RAP1GAP2: variants seen among roughly 807,000 people sequenced by gnomAD.
RAP1GAP2 encodes the protein rap1 GTPase-activating protein 2.
A neutral mutation model predicts 95.0 loss-of-function variants in RAP1GAP2; 27 were observed. The observed-to-expected ratio is 0.28, with a 90% CI of 0.21 to 0.39. RAP1GAP2 has a LOEUF of 0.39. Among genes scored for constraint, RAP1GAP2 ranks in the 10% least tolerant of loss-of-function variants. The probability of loss-of-function intolerance (pLI) is 1.00; values close to 1 mark genes in which losing one functional copy is unlikely to be tolerated. For synonymous variants in RAP1GAP2, 373 were observed against 380.9 expected (o/e 0.98, Z 0.24); for missense variants, 771 against 970.0 (o/e 0.79, Z 2.72).
chr17:2,981,263 G>T lies in RAP1GAP2; in HGVS notation c.729+15G>T. The T allele has an allele frequency of 6.2e-7, 1 of 1,601,966 alleles. No individual in the cohort carries two copies. Among genetic ancestry groups the T allele is most frequent in the Non-Finnish European group, 8.5e-7 (1 of 1,172,238 alleles). On this transcript the variant is annotated intron_variant, in intron 10 of 24. Coordinates refer to ENST00000254695, the MANE Select transcript of RAP1GAP2 (RefSeq NM_015085.5). ...TGTACCCCAAGGTAAGGACCTTCATGCTCCCAACATAGGGGCCCTGCAGCT... is the reference window on the plus strand; with the variant it reads ...TGTACCCCAAGGTAAGGACCTTCATTCTCCCAACATAGGGGCCCTGCAGCT...
chr17:2,781,880 CTGTG>C (rs1216073693), intron 1 of RAP1GAP2, among the ~76,000 whole-genome samples: 1 of 151,846 alleles, frequency 6.6e-6, no homozygotes, highest in South Asian at 2.1e-4. Flanking sequence ...GTGCACGTCT[CTGTG>C]TGTGCACGTC....
chr17:2,802,448 G>A (rs2069341465), intron 2 of RAP1GAP2, among the ~76,000 whole-genome samples: 3 of 152,222 alleles, frequency 2.0e-5, no homozygotes, highest in South Asian at 4.1e-4. Context: ...GGTGGTTCAC[G>A]CCTGTAATCC....
At chr17:2,802,508 G>T (rs1230123559) in intron 2 of RAP1GAP2, among the ~76,000 whole-genome samples, 1 of 152,030 alleles carries the variant, frequency 6.6e-6, no homozygotes, top group Non-Finnish European at 1.5e-5. Context: ...TCAGGAGTTC[G>T]AGACCAGCCT....
chr17:2,777,991 G>T (rs62069990), intron 1 of RAP1GAP2, among the ~76,000 whole-genome samples: 1,780 of 41,826 alleles, frequency 0.043, 88 homozygotes, highest in East Asian at 0.16. Flanking sequence ...GCTGGGAGGC[G>T]GGGAGGCTGG....
chr17:2,984,910 C>T (rs2045502491), intron 10 of RAP1GAP2, 73 bp from the exon 11 acceptor site: 2 of 1,584,212 alleles, frequency 1.3e-6, no homozygotes, highest in Non-Finnish European at 1.7e-6. Flanking sequence ...GGATGCTTCC[C>T]CTGCCATGTG....
In RAP1GAP2 at chr17:3,027,066, C is replaced by A; in HGVS notation, c.2103C>A (p.Pro701=). ...CCCCGATCATCATGAGCCGGAGTCCCACAGGTCAGTGGCATCTGGTGGTGT... is the reference window on the plus strand; with the variant it reads ...CCCCGATCATCATGAGCCGGAGTCCAACAGGTCAGTGGCATCTGGTGGTGT... ...AATPIIMSRS[P]TDAKSRNSPR... Residue 701 remains proline (P), a synonymous_variant, in exon 22 of 25, where the codon CCC becomes CCA. Coordinates refer to ENST00000254695, the MANE Select transcript of RAP1GAP2 (RefSeq NM_015085.5). This position sits in a 1 kb window ranked among gnomAD's most constrained non-coding sequence, Gnocchi z 5.2. 1 of 1,578,270 alleles carries A rather than the reference C, an allele frequency of 6.3e-7. No homozygotes were observed. Among genetic ancestry groups the A allele is most frequent in the Non-Finnish European group, 8.6e-7 (1 of 1,162,390 alleles).
At chr17:2,789,650 C>T (rs954810847) in intron 1 of RAP1GAP2, among the ~76,000 whole-genome samples, 3 of 143,922 alleles carry the variant, frequency 2.1e-5, no homozygotes, top group Admixed American at 1.4e-4. Context: ...GGCATGGTGG[C>T]GTGTACTGGT....
chr17:3,018,057 G>A lies in RAP1GAP2; in HGVS notation c.1495-4G>A, dbSNP rs1167897477. 12 of 1,579,804 alleles carry A rather than the reference G, an allele frequency of 7.6e-6. No individual in the cohort carries two copies. The highest frequency in any genetic ancestry group is 1.8e-5 in the Admixed American group (1 of 54,978). On this transcript the variant is annotated splice_region_variant and splice_polypyrimidine_tract_variant and intron_variant, in intron 17 of 24. Transcript: ENST00000254695. ...ATTCTCAGGCCCTTGTTCTCTCCCC[G>A]TAGAGGGCCATCCGCGTACGCAGCC...
In RAP1GAP2 at chr17:2,830,928, ACCTCCACTCCCCTTCCCTCCCTTCC is replaced by A. The variant is rs2070801320; in HGVS notation, c.80+30384_80+30408del. 3.9e-5 allele frequency among the ~76,000 whole-genome samples: 4 copies of A among 103,670 alleles called. No individual in the cohort carries two copies. The South Asian group carries it at 1.3e-3, about 33-fold the overall frequency. The allele number at this position is 103,670 out of a possible 152,430, so 68.0% of individuals were successfully genotyped here. A position where few individuals can be genotyped will look rare whatever the true frequency, so the allele number is the denominator to read the frequency against. The stretch of plus-strand genomic sequence containing the variant: ...TGTAAGATGAGCATATCCTTTTCTT[ACCTCCACTCCCCTTCCCTCCCTTCC>A]CCTCCCCTCCCCTTCCCTCCCTTCC... On this transcript the variant is annotated intron_variant, in intron 2 of 24. Coordinates refer to ENST00000254695, the MANE Select transcript of RAP1GAP2 (RefSeq NM_015085.5).
At chr17:2,776,760 G>T (rs2068510156), upstream of RAP1GAP2, among the ~76,000 whole-genome samples, 2 of 150,194 alleles carry the variant, frequency 1.3e-5, no homozygotes, top group East Asian at 1.9e-4. Flanking sequence ...GCGGCTTTGT[G>T]CGCTGGGGCC....
chr17:2,807,046 G>A (rs550198352), intron 2 of RAP1GAP2, among the ~76,000 whole-genome samples: 1 of 151,826 alleles, frequency 6.6e-6, no homozygotes, highest in East Asian at 2.0e-4. Context: ...ACAACATGGG[G>A]CACGTTTTTG....
chr17:2,825,484 G>A lies in RAP1GAP2; in HGVS notation c.80+24934G>A, dbSNP rs1457460614. ...TTTGTTTATCTGATGAATATTCATC[G>A]AGCTCCTATTTGTAGCCAGCCGCCT... On this transcript the variant is annotated intron_variant, in intron 2 of 24. Coordinates refer to ENST00000254695, the MANE Select transcript of RAP1GAP2 (RefSeq NM_015085.5). The surrounding 1 kb of genome is among the most constrained non-coding windows in gnomAD (Gnocchi z 4.1). 6.6e-6 allele frequency among the ~76,000 whole-genome samples: 1 copy of A among 151,994 alleles called. No individual in the cohort carries two copies. Among genetic ancestry groups the A allele is most frequent in the Admixed American group, 6.6e-5 (1 of 15,226 alleles).
At chr17:2,778,712 C>T (rs996097039) in intron 1 of RAP1GAP2, among the ~76,000 whole-genome samples, 3 of 152,164 alleles carry the variant, frequency 2.0e-5, no homozygotes, top group Non-Finnish European at 4.4e-5. Flanking sequence ...CTGCTGTGGC[C>T]GCACCTGCAT....
chr17:2,787,502 T>C (rs930335336), intron 1 of RAP1GAP2, among the ~76,000 whole-genome samples: 3 of 152,072 alleles, frequency 2.0e-5, no homozygotes, highest in African/African-American at 2.4e-5. Flanking sequence ...GCAATCCCCC[T>C]GCCTTGGCCT....
In RAP1GAP2 at chr17:3,012,605, C is replaced by CA. The variant is rs71377567; in HGVS notation, c.1494+4486dup. 1.5e-3 allele frequency among the ~76,000 whole-genome samples: 105 copies of CA among 69,704 alleles called. 3 individuals carry two copies. The highest frequency in any genetic ancestry group is 0.013 in the East Asian group (26 of 2,036). 45.7% of individuals were successfully genotyped at this position (69,704 alleles called of 152,430 possible). Reference sequence around the variant, plus strand: ...TGCACAGCAGATCCAGACTGTGTCTCAAAAAAAAAAAAAAAAAAAAAAAAA... The same window carrying CA: ...TGCACAGCAGATCCAGACTGTGTCTCAAAAAAAAAAAAAAAAAAAAAAAAAA... On this transcript the variant is annotated intron_variant, in intron 17 of 24. Transcript: ENST00000254695.
At chr17:2,913,384 G>A (rs2042458424) in intron 3 of RAP1GAP2, among the ~76,000 whole-genome samples, 1 of 152,064 alleles carries the variant, frequency 6.6e-6, no homozygotes, top group Admixed American at 6.6e-5. Context: ...TGCTTCCTGG[G>A]TTCAAGCGAT....
At chr17:2,770,001 A>G (rs2151434151) in intron 1 of RAP1GAP2, among the ~76,000 whole-genome samples, 1 of 140,740 alleles carries the variant, frequency 7.1e-6, no homozygotes, top group Non-Finnish European at 1.5e-5. Flanking sequence ...TGAACTTGGG[A>G]GGTGGAGGTT....
intron 2 of RAP1GAP2, among the ~76,000 whole-genome samples, chr17:2,847,677 A>T (rs935908436): frequency 6.6e-6 from 1 of 152,060 alleles, no homozygotes; most frequent in African/African-American, 2.4e-5. Flanking sequence ...ACTCAGCCTC[A>T]GAAACTCTGG....
chr17:2,945,619 T>TA (rs1286320318), intron 3 of RAP1GAP2, among the ~76,000 whole-genome samples: 1 of 151,806 alleles, frequency 6.6e-6, no homozygotes, highest in Non-Finnish European at 1.5e-5. Flanking sequence ...TTTTTTTTTT[T>TA]AATGCCTTTT....
Sources: allele counts gnomAD v4.1 joint callset (sites outside exome capture counted in the v4.1 genomes callset), GRCh38; gene constraint gnomAD v4.1.1; non-coding constraint Gnocchi (gnomAD v3.1); transcripts MANE v1.5; gene names NCBI Gene and HGNC (gene_info 2026-07-23, HGNC 2026-07-21).